APOOL: variants seen among roughly 807,000 people sequenced by gnomAD.
APOOL encodes the protein apolipoprotein O like.
In APOOL, 12 loss-of-function variants were observed where a neutral mutation model predicts 23.1. The observed-to-expected ratio is 0.52, with a 90% CI of 0.33 to 0.84. APOOL has a LOEUF of 0.84. Among genes scored for constraint, APOOL ranks in the 40% least tolerant of loss-of-function variants. The pLI is 0.02. For synonymous variants in APOOL, 77 were observed against 69.9 expected (o/e 1.10, Z -0.51); for missense variants, 212 against 199.6 (o/e 1.06, Z -0.37).
At chrX:85,018,034 C>T (rs773347170) in intron 1 of APOOL, among the ~76,000 whole-genome samples, 2 of 112,246 alleles carry the variant, frequency 1.8e-5, no homozygotes, top group African/African-American at 6.5e-5. Context: ...TGCTTGTTAG[C>T]CCTGCTTCCT....
chrX:85,055,814 C>T lies in APOOL; in HGVS notation c.296-13C>T, dbSNP rs1040721705. On this transcript the variant is annotated splice_polypyrimidine_tract_variant and intron_variant, in intron 4 of 8. Transcript: ENST00000373173. ...TTCAGTTATTCATGTTAATTTTTAA[C>T]TGATTTCTTGAGATGCTTATGTCTA... is the stretch of plus-strand genomic sequence containing the variant. 33 of 1,145,435 alleles carry T rather than the reference C, an allele frequency of 2.9e-5. No individual in the cohort carries two copies. The highest frequency in any genetic ancestry group is 3.8e-5 in the Non-Finnish European group (32 of 847,724). 94.4% of individuals were successfully genotyped at this position (1,145,435 alleles called of 1,213,427 possible). A position where few individuals can be genotyped will look rare whatever the true frequency, so the allele number is the denominator to read the frequency against.
At chrX:85,084,320 A>G (rs1924218032) in intron 8 of APOOL, among the ~76,000 whole-genome samples, 1 of 109,036 alleles carries the variant, frequency 9.2e-6, no homozygotes, top group South Asian at 4.0e-4. Context: ...TATTTTTGGT[A>G]GAGACGGGCT....
At position 85,087,798 on chromosome X, in the gene APOOL, T is replaced by A. The variant is rs1924368504; in HGVS notation, c.*120T>A. 1 of 565,930 alleles carries A rather than the reference T, an allele frequency of 1.8e-6. No individual in the cohort carries two copies. Among genetic ancestry groups the A allele is most frequent in the East Asian group, 4.0e-5 (1 of 25,126 alleles). The allele number at this position is 565,930 out of a possible 1,213,427, so 46.6% of individuals were successfully genotyped here. A position where few individuals can be genotyped will look rare whatever the true frequency, so the allele number is the denominator to read the frequency against. ...TAGAGTATTACCTAAACCAAGTTTC[T>A]CCCTTACATTTCCAAATATGCCATT... On this transcript the variant is annotated 3_prime_UTR_variant, in exon 9 of 9. Transcript: ENST00000373173.
chrX:85,070,482 G>A, intron 6 of APOOL, among the ~76,000 whole-genome samples: 1 of 111,385 alleles, frequency 9.0e-6, no homozygotes, highest in East Asian at 2.8e-4. Context: ...TCTAGGAATA[G>A]ACTTACCAAA....
intron 1 of APOOL, among the ~76,000 whole-genome samples, chrX:85,009,499 ATGT>A (rs1230298228): frequency 8.9e-6 from 1 of 111,974 alleles, no homozygotes; most frequent in Admixed American, 9.5e-5. Flanking sequence ...TGAAATGATC[ATGT>A]TGTTTTTGTC....
At chrX:85,038,114 T>C (rs1286990997) in intron 1 of APOOL, among the ~76,000 whole-genome samples, 1 of 111,689 alleles carries the variant, frequency 9.0e-6, no homozygotes, top group African/African-American at 3.2e-5. Context: ...AAATCCTTTT[T>C]TGCGTCTATT....
At chrX:85,061,967 ATGT>A (rs768380594) in intron 5 of APOOL, among the ~76,000 whole-genome samples, 2 of 110,868 alleles carry the variant, frequency 1.8e-5, no homozygotes, top group Admixed American at 1.9e-4. Flanking sequence ...TTTAATTGTG[ATGT>A]TAAGATGTCA....
At chrX:85,025,011 A>G in intron 1 of APOOL, among the ~76,000 whole-genome samples, 1 of 112,196 alleles carries the variant, frequency 8.9e-6, no homozygotes, top group East Asian at 2.8e-4. Context: ...GTAATTTATA[A>G]GCAAAAGAGG....
intron 1 of APOOL, among the ~76,000 whole-genome samples, chrX:85,018,469 G>GGCC (rs1921553031): frequency 9.0e-6 from 1 of 111,631 alleles, no homozygotes; most frequent in East Asian, 2.8e-4. Context: ...CCTCCCACCG[G>GGCC]GCCCCACCTT....
At chrX:85,052,308 G>A (rs745813673) in intron 3 of APOOL, among the ~76,000 whole-genome samples, 2 of 112,104 alleles carry the variant, frequency 1.8e-5, no homozygotes, top group East Asian at 2.8e-4. Context: ...TAGAATACAC[G>A]TGACTTTAAT....
rs1924486250 is a variant in APOOL at position 85,090,402 on chromosome X, G to T, written c.*2724G>T. The T allele has an allele frequency of 9.0e-6, 1 of 111,110 alleles. No individual in the cohort carries two copies. Among genetic ancestry groups the T allele is most frequent in the African/African-American group, 3.3e-5 (1 of 30,517 alleles). The allele number at this position is 111,110 out of a possible 1,213,427, so 9.2% of individuals were successfully genotyped here. A position where few individuals can be genotyped will look rare whatever the true frequency, so the allele number is the denominator to read the frequency against. On this transcript the variant is annotated 3_prime_UTR_variant, in exon 9 of 9. Coordinates refer to ENST00000373173, the MANE Select transcript of APOOL (RefSeq NM_198450.6). ...GGTGCTGAATTAAAGCTAACATACA[G>T]TATCTACTACCCTATTCTTCTAACC...
intron 8 of APOOL, among the ~76,000 whole-genome samples, chrX:85,082,978 A>G (rs1470224439): frequency 2.7e-5 from 3 of 111,612 alleles, no homozygotes; most frequent in Non-Finnish European, 5.6e-5. Flanking sequence ...TCTGTCAGTC[A>G]GAAGCTTGGG....
intron 1 of APOOL, among the ~76,000 whole-genome samples, chrX:85,031,981 C>T (rs975552666): frequency 9.0e-6 from 1 of 111,343 alleles, no homozygotes; most frequent in Non-Finnish European, 1.9e-5. Flanking sequence ...ACGTTTCCAC[C>T]AGGGAGATAC....
intron 5 of APOOL, among the ~76,000 whole-genome samples, chrX:85,061,969 G>T (rs1217549675): frequency 9.0e-6 from 1 of 111,227 alleles, no homozygotes; most frequent in African/African-American, 3.3e-5. Flanking sequence ...TAATTGTGAT[G>T]TTAAGATGTC....
intron 1 of APOOL, among the ~76,000 whole-genome samples, chrX:85,014,001 T>A (rs1169814982): frequency 9.0e-6 from 1 of 111,462 alleles, no homozygotes; most frequent in Non-Finnish European, 1.9e-5. Context: ...ATTTTGGAGC[T>A]CCCGTGTTAG....
At chrX:85,050,760 A>T (rs1217384415) in intron 2 of APOOL, among the ~76,000 whole-genome samples, 1 of 110,624 alleles carries the variant, frequency 9.0e-6, no homozygotes, top group Non-Finnish European at 1.9e-5. Context: ...TATGATGATG[A>T]TAATGATGTA....
chrX:85,082,322 G>T (rs1331722597), intron 8 of APOOL, among the ~76,000 whole-genome samples: 1 of 111,320 alleles, frequency 9.0e-6, no homozygotes, highest in African/African-American at 3.3e-5. Context: ...CTTTCTGTTT[G>T]TTAGTTTTCC....
chrX:85,070,969 A>G lies in APOOL; in HGVS notation c.487-3029A>G, dbSNP rs754469025. 3.6e-5 allele frequency among the ~76,000 whole-genome samples: 4 copies of G among 111,965 alleles called. No individual in the cohort carries two copies. In the South Asian group the frequency reaches 1.5e-3, roughly 42 times the overall value. On this transcript the variant is annotated intron_variant, in intron 6 of 8. Coordinates refer to ENST00000373173, the MANE Select transcript of APOOL (RefSeq NM_198450.6). ...AGATAATTTGGTACATATATACTAC[A>G]ACAGACTGCTATTTAACCATTAAAA...
chrX:85,077,678 G>A (rs1170611277), intron 8 of APOOL, among the ~76,000 whole-genome samples: 1 of 111,486 alleles, frequency 9.0e-6, no homozygotes, highest in Non-Finnish European at 1.9e-5. Flanking sequence ...TTGAGGAATC[G>A]CCACACTCTC....
Sources: gnomAD v4.1 joint callset for allele counts (sites outside exome capture counted in the v4.1 genomes callset) on GRCh38, gnomAD v4.1.1 for gene constraint, MANE v1.5 for transcripts, NCBI Gene and HGNC (gene_info 2026-07-23, HGNC 2026-07-21) for gene names.